Variants in FGF14 observed in about 807,000 individuals in gnomAD.
The protein encoded by FGF14 is fibroblast growth factor 14.
Under a neutral mutation model 25.5 loss-of-function variants are expected in FGF14, and 5 were observed. The ratio of observed to expected loss-of-function variants is 0.20; its 90% CI spans 0.10 to 0.41. The LOEUF is 0.41. Among genes scored for constraint, FGF14 ranks in the 10% least tolerant of loss-of-function variants. FGF14 has a pLI of 1.00. For synonymous variants in FGF14, 138 were observed against 118.3 expected (o/e 1.17, Z -1.08); for missense variants, 222 against 320.1 (o/e 0.69, Z 2.34).
intron 1 of FGF14, among the ~76,000 whole-genome samples, chr13:102,149,021 A>G (rs1434203171): frequency 6.6e-6 from 1 of 152,182 alleles, no homozygotes. Context: ...AGGGAGACAT[A>G]GAAAACTGCA....
At chr13:101,755,377 G>A (rs1378715675) in intron 3 of FGF14, among the ~76,000 whole-genome samples, 1 of 145,840 alleles carries the variant, frequency 6.9e-6, no homozygotes, top group East Asian at 2.1e-4. Context: ...GGTGTTTCAT[G>A]CCTGTAATCC....
chr13:101,727,799 T>C, intron 3 of FGF14, among the ~76,000 whole-genome samples: 1 of 152,026 alleles, frequency 6.6e-6, no homozygotes, highest in East Asian at 1.9e-4. Flanking sequence ...ACCTAGCTAG[T>C]TTTAAATAGG....
rs371009099 is a variant in FGF14 at position 102,103,323 on chromosome 13, A to G, written c.209-228027T>C. The stretch of plus-strand genomic sequence containing the variant: ...GAAAATAACTGTGTCATTTTAGATC[A>G]CACACCTTACAGAATAGAAAGAAAA... On this transcript the variant is annotated intron_variant, in intron 1 of 4. Transcript: ENST00000376131. Among the ~76,000 whole-genome samples, 4 of 115,828 alleles carry G rather than the reference A, an allele frequency of 3.5e-5. No homozygotes were observed. The East Asian group carries it at 8.0e-4, about 23-fold the overall frequency. 76.0% of individuals were successfully genotyped at this position (115,828 alleles called of 152,430 possible).
Position 102,365,143 on chromosome 13 carries a change from G to C in FGF14, c.208+36328C>G, listed in dbSNP as rs1594955674. Among the ~76,000 whole-genome samples the C allele has an allele frequency of 2.6e-5, 4 of 152,176 alleles. No homozygotes were observed. The South Asian group carries it at 8.3e-4, about 32-fold the overall frequency. Reference sequence around the variant, plus strand: ...GCATCCTTTTGGTCCCTTGAGCCAGGCAGTCACCAGGGAGAAACAAAGTTC... The same window carrying C: ...GCATCCTTTTGGTCCCTTGAGCCAGCCAGTCACCAGGGAGAAACAAAGTTC... On this transcript the variant is annotated intron_variant, in intron 1 of 4. Coordinates refer to the FGF14 transcript ENST00000376131.
chr13:101,909,037 T>A (rs1435095159), intron 1 of FGF14, among the ~76,000 whole-genome samples: 16 of 152,162 alleles, frequency 1.1e-4, no homozygotes, highest in Admixed American at 9.2e-4. Flanking sequence ...TGGCTAGCCA[T>A]AAGTAGAAAG....
At chr13:101,958,012 T>C (rs1019285509) in intron 1 of FGF14, among the ~76,000 whole-genome samples, 1 of 152,148 alleles carries the variant, frequency 6.6e-6, no homozygotes, top group Non-Finnish European at 1.5e-5. Context: ...ATTTAAAATA[T>C]AATAAAATGT....
rs780477500 is a variant in FGF14 at position 102,312,374 on chromosome 13, G to A, written c.208+89097C>T. On this transcript the variant is annotated intron_variant, in intron 1 of 4. Coordinates refer to the FGF14 transcript ENST00000376131. ...TTTTCAAGGAGGTTTCATTTACAGC[G>A]TTGTCTTTCATTCTTACAACAAACT... 3.9e-5 allele frequency among the ~76,000 whole-genome samples: 6 copies of A among 152,020 alleles called. No homozygotes were observed. The East Asian group carries it at 7.7e-4, about 20-fold the overall frequency.
At chr13:102,281,270 T>C (rs1242678727) in intron 1 of FGF14, among the ~76,000 whole-genome samples, 2 of 152,216 alleles carry the variant, frequency 1.3e-5, no homozygotes, top group African/African-American at 4.8e-5. Context: ...TAGTAAGGGC[T>C]GTCCCTGAGC....
At chr13:101,748,799 A>G (rs1486626088) in intron 3 of FGF14, among the ~76,000 whole-genome samples, 1 of 149,632 alleles carries the variant, frequency 6.7e-6, no homozygotes, top group African/African-American at 2.4e-5. Flanking sequence ...TAATCCAGCA[A>G]CTTCACTTCT....
chr13:101,910,837 CGTGTGTGTGTGTGTGTGTGTGTGT>C lies in FGF14; in HGVS notation c.193+5592_193+5615del, dbSNP rs59758881. Among the ~76,000 whole-genome samples the C allele has an allele frequency of 4.7e-3, 602 of 129,326 alleles. 4 individuals carry two copies. The highest frequency in any genetic ancestry group is 0.014 in the African/African-American group (505 of 36,010). 84.8% of individuals were successfully genotyped at this position (129,326 alleles called of 152,430 possible). A position where few individuals can be genotyped will look rare whatever the true frequency, so the allele number is the denominator to read the frequency against. Reference sequence around the variant, plus strand: ...AAATGGTCTCTTAGAGATTTGGATTCGTGTGTGTGTGTGTGTGTGTGTGTGTGTGTGTGTGTGTGTGTGTGTGTG... The same window carrying C: ...AAATGGTCTCTTAGAGATTTGGATTCGTGTGTGTGTGTGTGTGTGTGTGTG... On this transcript the variant is annotated intron_variant, in intron 1 of 4. Transcript: ENST00000376143.
intron 3 of FGF14, among the ~76,000 whole-genome samples, chr13:101,816,919 A>T (rs2041873406): frequency 1.3e-5 from 2 of 152,210 alleles, no homozygotes; most frequent in Non-Finnish European, 2.9e-5. Context: ...TACTTTGCTA[A>T]GCCCAAGTTT....
intron 1 of FGF14, among the ~76,000 whole-genome samples, chr13:101,955,046 T>A (rs1042228049): frequency 6.6e-6 from 1 of 152,226 alleles, no homozygotes; most frequent in Non-Finnish European, 1.5e-5. Context: ...TGTTTTTGGT[T>A]CTTTTATTTG....
At chr13:101,817,598 T>C (rs4439612) in intron 3 of FGF14, among the ~76,000 whole-genome samples, 47,328 of 152,088 alleles carry the variant, frequency 0.31, 7,823 homozygotes, top group South Asian at 0.44. Context: ...AACTAATCTT[T>C]TATTTTTCAC....
chr13:102,214,648 GTGT>G (rs575998535), intron 1 of FGF14, among the ~76,000 whole-genome samples: 135 of 152,286 alleles, frequency 8.9e-4, no homozygotes, highest in African/African-American at 3.1e-3. Flanking sequence ...TCCTCTCACT[GTGT>G]TGTTAAGTTC....
At chr13:101,879,493 CAATTA>C (rs962026627) in intron 1 of FGF14, among the ~76,000 whole-genome samples, 4 of 152,076 alleles carry the variant, frequency 2.6e-5, no homozygotes, top group Admixed American at 6.6e-5. Flanking sequence ...GAAATGAGTT[CAATTA>C]AATTAAACAC....
At chr13:102,039,277 G>C (rs1244680626) in intron 1 of FGF14, among the ~76,000 whole-genome samples, 1 of 152,124 alleles carries the variant, frequency 6.6e-6, no homozygotes, top group East Asian at 1.9e-4. Flanking sequence ...TCTTTCACCA[G>C]ATGGAAAATA....
intron 1 of FGF14, among the ~76,000 whole-genome samples, chr13:101,977,336 A>G (rs112808283): frequency 1.3e-3 from 196 of 151,648 alleles, no homozygotes; most frequent in African/African-American, 4.6e-3. Context: ...GTTGCAGTGA[A>G]AAAAAAATGA....
chr13:102,292,339 T>C (rs955907298), intron 1 of FGF14: 1 of 143,562 alleles, frequency 7.0e-6, no homozygotes, highest in Non-Finnish European at 1.5e-5. Context: ...AAGCAGAAGA[T>C]TTTAATGTAT....
At chr13:102,236,141 C>T (rs1414338618) in intron 1 of FGF14, among the ~76,000 whole-genome samples, 1 of 152,096 alleles carries the variant, frequency 6.6e-6, no homozygotes, top group African/African-American at 2.4e-5. Context: ...TGAGTGCGTC[C>T]CTCCTCTTGC....
Sources: allele counts gnomAD v4.1 joint callset (sites outside exome capture counted in the v4.1 genomes callset), GRCh38; gene constraint gnomAD v4.1.1; transcripts MANE v1.5; gene names NCBI Gene and HGNC (gene_info 2026-07-23, HGNC 2026-07-21).